The following USP47 variants were observed in gnomAD, a reference collection of about 807,000 sequenced individuals.
USP47 encodes ubiquitin specific peptidase 47.
Under a neutral mutation model 165.1 loss-of-function variants are expected in USP47, and 35 were observed. The observed-to-expected ratio is 0.21, with a 90% CI of 0.16 to 0.28. The LOEUF (loss-of-function observed/expected upper bound fraction) is 0.28, where lower values mean the gene tolerates loss of function less well. Among genes scored for constraint, USP47 ranks in the 10% least tolerant of loss-of-function variants. The probability of loss-of-function intolerance (pLI) is 1.00; values close to 1 mark genes in which losing one functional copy is unlikely to be tolerated. For missense variants in USP47, 1,277 were observed against 1,607.4 expected (o/e 0.79, Z 3.52); for synonymous variants, 531 against 544.5 (o/e 0.98, Z 0.35).
chr11:11,930,219 C>G (rs1021313815), intron 13 of USP47, 99 bp downstream of exon 13: 2 of 1,139,466 alleles, frequency 1.8e-6, no homozygotes, highest in South Asian at 2.8e-5. Context: ...GATTGAGGAA[C>G]TACAACCCAT....
intron 4 of USP47, among the ~76,000 whole-genome samples, chr11:11,896,143 A>G (rs556784485): frequency 6.6e-6 from 1 of 152,324 alleles, no homozygotes; most frequent in East Asian, 1.9e-4. Flanking sequence ...AGTACAAAAG[A>G]TCATAGAGTC....
chr11:11,947,798 T>A (rs1855941474), intron 20 of USP47, 147 bp from the exon 21 acceptor site: 1 of 648,256 alleles, frequency 1.5e-6, no homozygotes, highest in Admixed American at 3.8e-5. Flanking sequence ...TTTTGTCCAT[T>A]CAGTGTGGTA....
chr11:11,956,235 C>G lies in USP47; in HGVS notation c.*60C>G. On this transcript the variant is annotated 3_prime_UTR_variant, in exon 28 of 28. Transcript: ENST00000527733. ...TGGTTTTAATTAGATGGTTCACTAC[C>G]ACTGGGTAGTGCCATTTTGGCCGGA... is the stretch of plus-strand genomic sequence containing the variant. 17 of 1,591,004 alleles carry G rather than the reference C, an allele frequency of 1.1e-5. No individual in the cohort carries two copies. The highest frequency in any genetic ancestry group is 1.5e-5 in the Non-Finnish European group (17 of 1,164,104).
Position 11,949,949 on chromosome 11 carries a change from G to A in USP47, c.3409G>A (p.Glu1137Lys), listed in dbSNP as rs765050715. ...AKGMTVRQSK[E>K]ELIPQLREQC... ...AGGAATGACTGTACGGCAATCAAAA[G>A]AGGAATTAATTCCTCAGCTCAGGGA... Residue 1137 changes from glutamate to lysine, a missense_variant, in exon 23 of 28, where the codon GAG becomes AAG. Glu to Lys is a moderately conservative substitution (Grantham distance 56, BLOSUM62 1). Coordinates refer to ENST00000527733, the MANE Select transcript of USP47 (RefSeq NM_001282659.2). 6 of 1,612,930 alleles carry A rather than the reference G, an allele frequency of 3.7e-6. No homozygotes were observed. In the East Asian group the frequency reaches 1.3e-4, roughly 36 times the overall value.
rs772920740 is a variant in USP47, at chr11:11,942,440, T to G, written c.2419T>G (p.Leu807Val). 4 of 1,613,636 alleles carry G rather than the reference T, an allele frequency of 2.5e-6. No homozygotes were observed. In the South Asian group the frequency reaches 4.4e-5, roughly 18 times the overall value. Residue 807 changes from leucine to valine, a missense_variant, in exon 20 of 28, where the codon TTG (leucine) becomes GTG (valine). Around this residue, in one of 4 missense-constraint regions of USP47, gnomAD observed 909 missense variants for 1,068.1 expected, o/e 0.85. Transcript: ENST00000527733. ...TGCAAATACAATCAGATTATTTGTTTTGCTACCTGAACAATCCCCAGTATC... is the reference window on the plus strand; with the variant it reads ...TGCAAATACAATCAGATTATTTGTTGTGCTACCTGAACAATCCCCAGTATC... ...RHANTIRLFV[L>V]LPEQSPVSYS... is the part of the protein sequence containing the mutation.
At position 11,884,505 on chromosome 11, in the gene USP47, C is replaced by T. The variant is rs749136242; in HGVS notation, c.282C>T (p.Asp94=). 2.6e-5 allele frequency: 42 copies of T among 1,611,630 alleles called. No homozygotes were observed. Among genetic ancestry groups the T allele is most frequent in the East Asian group, 1.3e-4 (6 of 44,768 alleles). Residue 94 remains aspartate (D), a synonymous_variant, in exon 3 of 28, where the codon GAC becomes GAT. Coordinates refer to ENST00000527733, the MANE Select transcript of USP47 (RefSeq NM_001282659.2). ...LDHTSDKSLL[D]ANFEPGKKNF... The stretch of plus-strand genomic sequence containing the variant: ...ATACCAGTGACAAGTCACTTCTCGA[C>T]GCTAATTTTGAGCCAGGAAAGAAGA...
rs1216284743 is a variant in USP47, at chr11:11,933,019, A to G, written c.1667A>G (p.Asp556Gly). 1.2e-6 allele frequency: 2 copies of G among 1,612,502 alleles called. No homozygotes were observed. The highest frequency in any genetic ancestry group is 1.7e-6 in the Non-Finnish European group (2 of 1,179,270). The change falls in exon 15 of 28, where the codon GAT becomes GGT. Residue 556 changes from aspartate (D) to glycine (G), a missense_variant. Around this residue, in one of 4 missense-constraint regions of USP47, gnomAD observed 909 missense variants for 1,068.1 expected, o/e 0.85. Transcript: ENST00000527733. The stretch of plus-strand genomic sequence containing the variant: ...TTACTAATAGAATTTCTAGAAGTGG[A>G]TGAATACCCAGAACATATTAAAAAC... Reference protein sequence around the residue: ...PARNAKFLEVDEYPEHIKNLV... With the variant: ...PARNAKFLEVGEYPEHIKNLV...
At position 11,941,811 on chromosome 11, in the gene USP47, T is replaced by A. The variant is rs956676963; in HGVS notation, c.2314-524T>A. Among the ~76,000 whole-genome samples the A allele has an allele frequency of 2.6e-5, 4 of 152,196 alleles. 1 individual carries two copies. In the Middle Eastern group the frequency reaches 0.01, roughly 388 times the overall value. On this transcript the variant is annotated intron_variant, in intron 19 of 27. Transcript: ENST00000527733. ...AATTTCTCTGATTGTCTTAGAAAATTTTTTTCTGTAAATTTTCCTGTGTCT... is the reference window on the plus strand; with the variant it reads ...AATTTCTCTGATTGTCTTAGAAAATATTTTTCTGTAAATTTTCCTGTGTCT...
chr11:11,897,788 T>C (rs1851936940), intron 5 of USP47, 95 bp downstream of exon 5: 1 of 883,924 alleles, frequency 1.1e-6, no homozygotes, highest in Admixed American at 2.3e-5. Flanking sequence ...TTTTAAAGTT[T>C]GGGGCATTTC....
At chr11:11,896,726 C>G (rs1387148090) in intron 4 of USP47, among the ~76,000 whole-genome samples, 1 of 151,966 alleles carries the variant, frequency 6.6e-6, no homozygotes, top group African/African-American at 2.4e-5. Flanking sequence ...GAGATAAAGG[C>G]TCTAATACGG....
chr11:11,919,456 A>G (rs1279559956), intron 8 of USP47, among the ~76,000 whole-genome samples: 1 of 151,928 alleles, frequency 6.6e-6, no homozygotes, highest in African/African-American at 2.4e-5. Context: ...TAAAATAAAA[A>G]TTAACTTTAT....
intron 1 of USP47, among the ~76,000 whole-genome samples, chr11:11,868,185 A>G (rs1045964139): frequency 3.3e-5 from 5 of 152,210 alleles, no homozygotes; most frequent in African/African-American, 1.2e-4. Flanking sequence ...GGACTATAAT[A>G]CACTATCAGA....
rs185779438 is a variant in USP47, at chr11:11,884,571, A to C, written c.348A>C (p.Gln116His). 349 of 1,605,790 alleles carry C rather than the reference A, an allele frequency of 2.2e-4. 2 individuals are homozygous for C. In the East Asian group the frequency reaches 7.7e-3, roughly 35 times the overall value. Residue 116 changes from glutamine to histidine, a missense_variant, in exon 3 of 28, where the codon CAA becomes CAC. Gln to His is a conservative substitution (Grantham distance 24, BLOSUM62 0). Coordinates refer to ENST00000527733, the MANE Select transcript of USP47 (RefSeq NM_001282659.2). ...CAGATAAAGATGGTGAACAACCTCA[A>C]ATACTGCTGGTAAGCTACTTAGAAA... The part of the protein sequence containing the change: ...HLTDKDGEQP[Q>H]ILLEDSSAGE...
At position 11,961,667 on chromosome 11, in the gene USP47, G is replaced by C. The variant is rs1431230336; in HGVS notation, c.*5492G>C. Among the ~76,000 whole-genome samples, 1 of 152,224 alleles carries C rather than the reference G, an allele frequency of 6.6e-6. No individual in the cohort carries two copies. Among genetic ancestry groups the C allele is most frequent in the Non-Finnish European group, 1.5e-5 (1 of 68,036 alleles). The stretch of plus-strand genomic sequence containing the variant: ...GATGGAGGGCAGGAGCTCCATTCTT[G>C]TTTGCCACTCTCCTTTTGTCAATTG... On this transcript the variant is annotated 3_prime_UTR_variant, in exon 28 of 28. Coordinates refer to ENST00000527733, the MANE Select transcript of USP47 (RefSeq NM_001282659.2).
Position 11,957,667 on chromosome 11 carries a change from A to T in USP47, c.*1492A>T, listed in dbSNP as rs2134936969. On this transcript the variant is annotated 3_prime_UTR_variant, in exon 28 of 28. Coordinates refer to ENST00000527733, the MANE Select transcript of USP47 (RefSeq NM_001282659.2). Reference sequence around the variant, plus strand: ...TTACAGTAAAGTTCTCATAAGAGAAATGAAAAGCTGTGTTAATATCTAACT... The same window carrying T: ...TTACAGTAAAGTTCTCATAAGAGAATTGAAAAGCTGTGTTAATATCTAACT... 1 of 152,718 alleles carries T rather than the reference A, an allele frequency of 6.5e-6. No individual in the cohort carries two copies. The highest frequency in any genetic ancestry group is 1.9e-4 in the East Asian group (1 of 5,186). The allele number at this position is 152,718 out of a possible 1,614,324, so 9.5% of individuals were successfully genotyped here.
At position 11,942,460 on chromosome 11, in the gene USP47, A is replaced by G. The variant is rs1764228221; in HGVS notation, c.2439A>G (p.Pro813=). 6.2e-7 allele frequency: 1 copy of G among 1,613,646 alleles called. No individual in the cohort carries two copies. Among genetic ancestry groups the G allele is most frequent in the East Asian group, 2.2e-5 (1 of 44,870 alleles). ...TTGTTTTGCTACCTGAACAATCCCC[A>G]GTATCTTATTCCAAAAGGACAGCAT... The part of the protein sequence containing the change: ...RLFVLLPEQS[P]VSYSKRTAYQ... The change falls in exon 20 of 28, where the codon CCA becomes CCG. Residue 813 remains proline (P), a synonymous_variant. Coordinates refer to ENST00000527733, the MANE Select transcript of USP47 (RefSeq NM_001282659.2).
chr11:11,933,240 T>C, intron 15 of USP47, 124 bp downstream of exon 15: 1 of 766,020 alleles, frequency 1.3e-6, no homozygotes, highest in East Asian at 2.7e-5. Flanking sequence ...CATTGAACAG[T>C]GTAACCAACT....
intron 1 of USP47, among the ~76,000 whole-genome samples, chr11:11,877,894 G>A (rs1337288007): frequency 1.4e-5 from 2 of 146,818 alleles, no homozygotes; most frequent in Non-Finnish European, 3.0e-5. Context: ...AAGGATATAT[G>A]CCAGCATGCT....
intron 20 of USP47, among the ~76,000 whole-genome samples, chr11:11,947,588 G>A (rs1855927408): frequency 6.6e-6 from 1 of 152,158 alleles, no homozygotes; most frequent in African/African-American, 2.4e-5. Flanking sequence ...GTCCCATATA[G>A]TAAGTAAGCA....
Sources: gnomAD v4.1 joint callset for allele counts (sites outside exome capture counted in the v4.1 genomes callset) on GRCh38, gnomAD v4.1.1 for gene constraint, gnomAD v4.1.1 regional missense constraint, MANE v1.5 for transcripts, NCBI Gene and HGNC (gene_info 2026-07-23, HGNC 2026-07-21) for gene names.